The following CHST9 variants were observed in gnomAD, a reference collection of about 807,000 sequenced individuals.
CHST9 encodes GalNAc-4-sulfotransferase 2.
A neutral mutation model predicts 44.4 loss-of-function variants in CHST9; 41 were observed. That is an observed-to-expected ratio of 0.92 (90% CI 0.72 to 1.20). CHST9 has a LOEUF of 1.20. Among genes scored for constraint, CHST9 ranks in the 50% most tolerant of loss-of-function variants. CHST9 has a pLI of 0.00. For missense variants in CHST9, 504 were observed against 516.5 expected (o/e 0.98, Z 0.23); for synonymous variants, 171 against 178.4 (o/e 0.96, Z 0.33).
intron 2 of CHST9, among the ~76,000 whole-genome samples, chr18:27,054,902 C>G (rs1230673983): frequency 6.6e-6 from 1 of 152,082 alleles, no homozygotes; most frequent in Non-Finnish European, 1.5e-5. Context: ...TGTACACACA[C>G]ACATATATAC....
At chr18:27,164,739 A>G (rs922597500) in intron 1 of CHST9, among the ~76,000 whole-genome samples, 5 of 152,198 alleles carry the variant, frequency 3.3e-5, no homozygotes, top group Admixed American at 6.6e-5. Flanking sequence ...AACAGATCAC[A>G]TGAGGAGGAT....
chr18:26,962,208 T>C (rs995510309), intron 4 of CHST9, among the ~76,000 whole-genome samples: 8 of 152,142 alleles, frequency 5.3e-5, no homozygotes, highest in African/African-American at 1.9e-4. Flanking sequence ...GGGGTGTTAA[T>C]GACTCTCCTG....
chr18:27,052,196 G>A (rs2057574464), intron 2 of CHST9, among the ~76,000 whole-genome samples: 2 of 151,706 alleles, frequency 1.3e-5, no homozygotes, highest in Non-Finnish European at 2.9e-5. Context: ...TCCTGTTACA[G>A]GAATCTACTT....
intron 4 of CHST9, among the ~76,000 whole-genome samples, chr18:26,967,549 T>G (rs147691163): frequency 3.0e-4 from 46 of 152,364 alleles, no homozygotes; most frequent in Non-Finnish European, 1.5e-5. Context: ...TGTATGTGTT[T>G]AGAAATTTCT....
At chr18:26,961,569 G>A (rs1167992791) in intron 4 of CHST9, among the ~76,000 whole-genome samples, 1 of 152,034 alleles carries the variant, frequency 6.6e-6, no homozygotes, top group Admixed American at 6.5e-5. Flanking sequence ...GCTGGGACTA[G>A]AGGCATGCGT....
intron 2 of CHST9, among the ~76,000 whole-genome samples, chr18:27,088,932 C>T (rs1598714063): frequency 2.0e-5 from 3 of 152,270 alleles, no homozygotes. Context: ...CCTTCAGAAC[C>T]TCTGTAAACA....
At chr18:27,001,077 T>G (rs940160985) in intron 4 of CHST9, among the ~76,000 whole-genome samples, 6 of 152,104 alleles carry the variant, frequency 3.9e-5, no homozygotes, top group African/African-American at 1.4e-4. Flanking sequence ...GGCACAGAGA[T>G]AGAAGCAACT....
At chr18:27,086,146 T>G (rs2058010176) in intron 2 of CHST9, among the ~76,000 whole-genome samples, 1 of 152,088 alleles carries the variant, frequency 6.6e-6, no homozygotes, top group South Asian at 2.1e-4. Flanking sequence ...GGTAAGAGTC[T>G]AAAAACTACC....
rs1421752809 is a variant in CHST9 at position 26,914,499 on chromosome 18, A to G, written c.*1760T>C. On this transcript the variant is annotated 3_prime_UTR_variant, in exon 6 of 6. Transcript: ENST00000618847. ...AATTTTAAATTATGTAATTTAGATT[A>G]CTCCAGAGTAAAACGTCTTAAAAAC... The G allele has an allele frequency of 1.3e-5, 2 of 155,466 alleles. No homozygotes were observed. Among genetic ancestry groups the G allele is most frequent in the African/African-American group, 4.8e-5 (2 of 41,708 alleles). 9.6% of individuals were successfully genotyped at this position (155,466 alleles called of 1,614,324 possible).
At chr18:27,173,098 T>G (rs2143962613) in intron 1 of CHST9, among the ~76,000 whole-genome samples, 1 of 152,210 alleles carries the variant, frequency 6.6e-6, no homozygotes. Flanking sequence ...AAATAAATTT[T>G]TATTTACAAA....
intron 3 of CHST9, among the ~76,000 whole-genome samples, chr18:27,038,884 C>G (rs934063991): frequency 2.6e-5 from 4 of 151,966 alleles, no homozygotes; most frequent in Admixed American, 6.6e-5. Flanking sequence ...CTTTCAATAT[C>G]CTGGCTTAAA....
rs771001978 is a variant in CHST9, at chr18:26,916,916, G to A, written c.675C>T (p.Ser225=). 2.0e-5 allele frequency: 33 copies of A among 1,613,684 alleles called. No homozygotes were observed. In the Admixed American group the frequency reaches 4.0e-4, roughly 20 times the overall value. The part of the protein sequence containing the change: ...LYCEVPKAGC[S]NWKRILMVLN... ...GTACCATCAGAATTCTTTTCCAATT[G>A]GAACAGCCAGCCTTAGGTACCTCAC... Residue 225 remains serine (S), a synonymous_variant, in exon 6 of 6, where the codon TCC becomes TCT. Transcript: ENST00000618847.
chr18:27,061,985 A>G (rs1316777787), intron 2 of CHST9, among the ~76,000 whole-genome samples: 1 of 152,164 alleles, frequency 6.6e-6, no homozygotes, highest in African/African-American at 2.4e-5. Context: ...CTCATGACCA[A>G]TGTGACTAAT....
chr18:26,921,403 C>T (rs2055650822), intron 5 of CHST9, among the ~76,000 whole-genome samples: 1 of 152,118 alleles, frequency 6.6e-6, no homozygotes, highest in Admixed American at 6.6e-5. Context: ...TCTAGTCTAA[C>T]CAAATTGAGA....
At chr18:26,993,354 G>GA (rs928457311) in intron 4 of CHST9, among the ~76,000 whole-genome samples, 2 of 152,082 alleles carry the variant, frequency 1.3e-5, no homozygotes, top group Non-Finnish European at 2.9e-5. Context: ...ATTATCTGGG[G>GA]AAAAATCAGA....
At chr18:27,147,706 G>A (rs1324314710) in intron 1 of CHST9, 1 of 152,332 alleles carries the variant, frequency 6.6e-6, no homozygotes, top group South Asian at 2.1e-4. Flanking sequence ...AGGTTCTGGT[G>A]AAACGCAACT....
chr18:27,076,628 A>C (rs1000803736), intron 2 of CHST9, among the ~76,000 whole-genome samples: 1 of 152,220 alleles, frequency 6.6e-6, no homozygotes, highest in Non-Finnish European at 1.5e-5. Flanking sequence ...GAATGAGTCC[A>C]GAACAGACCA....
intron 2 of CHST9, among the ~76,000 whole-genome samples, chr18:27,062,969 T>G (rs1463598338): frequency 6.6e-6 from 1 of 152,178 alleles, no homozygotes; most frequent in East Asian, 1.9e-4. Flanking sequence ...CTGCCAGGGC[T>G]CTGACACCTC....
chr18:26,936,524 C>T (rs1036762078), intron 5 of CHST9: 3 of 152,054 alleles, frequency 2.0e-5, no homozygotes, highest in Admixed American at 1.3e-4. Flanking sequence ...TCTTTCTATA[C>T]GGAGGTGATG....
Sources: gnomAD v4.1 joint callset for allele counts (sites outside exome capture counted in the v4.1 genomes callset) on GRCh38, gnomAD v4.1.1 for gene constraint, MANE v1.5 for transcripts, NCBI Gene and HGNC (gene_info 2026-07-23, HGNC 2026-07-21) for gene names.